The following NUP62CL variants were observed in gnomAD, a reference collection of about 807,000 sequenced individuals.
The protein encoded by NUP62CL is nucleoporin-62 C-terminal-like protein.
Under a neutral mutation model 15.3 loss-of-function variants are expected in NUP62CL, and 13 were observed. That is an observed-to-expected ratio of 0.85 (90% confidence interval 0.55 to 1.35). NUP62CL has a LOEUF of 1.35. Ranked by LOEUF, NUP62CL falls within the 40% of genes most tolerant of loss-of-function variation. The probability of loss-of-function intolerance (pLI) is 0.00; values close to 1 mark genes in which losing one functional copy is unlikely to be tolerated. For missense variants in NUP62CL, 123 were observed against 130.6 expected, an observed-to-expected ratio of 0.94 and a Z score of 0.28; for synonymous variants, 54 against 49.2, an observed-to-expected ratio of 1.10 and a Z score of -0.41.
chrX:107,185,017 G>A (rs1239183725), intron 2 of NUP62CL, among the ~76,000 whole-genome samples: 2 of 110,261 alleles, frequency 1.8e-5, no homozygotes, highest in Admixed American at 9.6e-5. Context: ...AGGAAATCAA[G>A]GCATTGAGAG....
chrX:107,190,311 C>T (rs1284316996), intron 2 of NUP62CL, among the ~76,000 whole-genome samples: 3 of 111,938 alleles, frequency 2.7e-5, no homozygotes, highest in Non-Finnish European at 5.6e-5. Flanking sequence ...TATTGTTCCT[C>T]CTGATAAATT....
intron 4 of NUP62CL, among the ~76,000 whole-genome samples, 173 bp from the exon 5 acceptor site, chrX:107,154,419 C>A (rs925318210): frequency 9.0e-6 from 1 of 111,165 alleles, no homozygotes; most frequent in Non-Finnish European, 1.9e-5. Flanking sequence ...AAAAAACAAC[C>A]CCTCAAAGTC....
chrX:107,197,724 G>A (rs1927388057), intron 1 of NUP62CL, among the ~76,000 whole-genome samples: 1 of 110,155 alleles, frequency 9.1e-6, no homozygotes, highest in African/African-American at 3.3e-5. Context: ...CTACCTGGCA[G>A]TCCAATCTAA....
intron 1 of NUP62CL, among the ~76,000 whole-genome samples, chrX:107,200,428 G>A (rs147995231): frequency 0.01 from 1,135 of 109,848 alleles, 7 homozygotes; most frequent in Non-Finnish European, 0.016. Flanking sequence ...GACCAGCCTT[G>A]AGCAACATGG....
intron 7 of NUP62CL, among the ~76,000 whole-genome samples, chrX:107,152,100 AT>A (rs1926042392): frequency 1.2e-4 from 6 of 49,097 alleles, no homozygotes; most frequent in Non-Finnish European, 1.8e-4. Flanking sequence ...ATATATTCAG[AT>A]ATATATATAT....
chrX:107,130,686 A>G (rs1249162555), intron 8 of NUP62CL, among the ~76,000 whole-genome samples: 3 of 111,690 alleles, frequency 2.7e-5, no homozygotes, highest in Non-Finnish European at 5.6e-5. Flanking sequence ...ACTCTGGCAG[A>G]GATGAATCAA....
chrX:107,126,809 G>A (rs1368689047), intron 8 of NUP62CL, among the ~76,000 whole-genome samples: 1 of 112,328 alleles, frequency 8.9e-6, no homozygotes, highest in Non-Finnish European at 1.9e-5. Context: ...CGAGGCAAGA[G>A]GATCACCTGA....
At chrX:107,193,689 CA>C (rs35585744) in intron 1 of NUP62CL, among the ~76,000 whole-genome samples, 90 of 96,489 alleles carry the variant, frequency 9.3e-4, no homozygotes, top group East Asian at 2.2e-3. Flanking sequence ...CACATATAGT[CA>C]AAAAAAAAAA....
At chrX:107,186,295 G>C (rs1235232572) in intron 2 of NUP62CL, among the ~76,000 whole-genome samples, 1 of 111,242 alleles carries the variant, frequency 9.0e-6, no homozygotes, top group Non-Finnish European at 1.9e-5. Context: ...AATTTATTGG[G>C]TATATTTAAT....
chrX:107,161,342 T>C (rs1364498005), intron 4 of NUP62CL, among the ~76,000 whole-genome samples: 1 of 100,326 alleles, frequency 1.0e-5, no homozygotes. Flanking sequence ...CGTATGTTTA[T>C]TGCGGCATTA....
chrX:107,128,025 A>G (rs1169761388), intron 8 of NUP62CL, among the ~76,000 whole-genome samples: 7 of 112,067 alleles, frequency 6.2e-5, no homozygotes, highest in Admixed American at 1.9e-4. Flanking sequence ...GGTCCCCCCA[A>G]TGAATTTCTG....
chrX:107,144,191 C>T (rs931368915), intron 8 of NUP62CL, among the ~76,000 whole-genome samples: 2 of 111,859 alleles, frequency 1.8e-5, no homozygotes, highest in Non-Finnish European at 3.8e-5. Context: ...ATACCTAGAA[C>T]TTATATCCTA....
intron 1 of NUP62CL, among the ~76,000 whole-genome samples, chrX:107,199,708 A>G (rs1169069332): frequency 2.7e-5 from 3 of 112,078 alleles, no homozygotes; most frequent in Non-Finnish European, 3.8e-5. Context: ...TTCACATATG[A>G]TTAGTCATGT....
chrX:107,167,007 A>G (rs1332507444), intron 4 of NUP62CL, among the ~76,000 whole-genome samples: 2 of 111,897 alleles, frequency 1.8e-5, no homozygotes, highest in East Asian at 5.5e-4. Context: ...CAATATCAAT[A>G]TCTTGGTTGT....
Position 107,192,188 on chromosome X carries a change from T to C in NUP62CL, c.-48+841A>G, listed in dbSNP as rs779513899. 2.7e-5 allele frequency among the ~76,000 whole-genome samples: 3 copies of C among 111,862 alleles called. No individual in the cohort carries two copies. The South Asian group carries it at 1.1e-3, about 42-fold the overall frequency. On this transcript the variant is annotated intron_variant, in intron 2 of 8. Transcript: ENST00000372466. ...TTACAATGATCGATAGAAAAAGATC[T>C]CTCTAAAGAGTCACTTATTCAGCAA...
intron 4 of NUP62CL, among the ~76,000 whole-genome samples, chrX:107,164,698 T>C (rs781759782): frequency 8.9e-6 from 1 of 112,467 alleles, no homozygotes; most frequent in South Asian, 3.7e-4. Flanking sequence ...ATATAAAAAA[T>C]GGGCCAACTC....
rs149174525 is a variant in NUP62CL at position 107,137,718 on chromosome X, G to T, written c.*42+10025C>A. On this transcript the variant is annotated intron_variant, in intron 8 of 8. Transcript: ENST00000372466. Reference sequence around the variant, plus strand: ...TGAAAATTACAAAATGCTCATAAAAGAAATCAAAGAACACCTAGATAAATT... The same window carrying T: ...TGAAAATTACAAAATGCTCATAAAATAAATCAAAGAACACCTAGATAAATT... Among the ~76,000 whole-genome samples, 740 of 111,899 alleles carry T rather than the reference G, an allele frequency of 6.6e-3. 6 individuals are homozygous for T. The highest frequency in any genetic ancestry group is 0.023 in the African/African-American group (698 of 30,898).
intron 4 of NUP62CL, among the ~76,000 whole-genome samples, chrX:107,155,830 A>G (rs989273070): frequency 3.6e-5 from 4 of 112,615 alleles, no homozygotes; most frequent in African/African-American, 9.7e-5. Context: ...CGTGAGCGAC[A>G]CAGAAGACGG....
chrX:107,131,796 G>C, intron 8 of NUP62CL: 3 of 1,130,247 alleles, frequency 2.7e-6, no homozygotes, highest in Non-Finnish European at 3.7e-6. Flanking sequence ...GGCCCATTCT[G>C]CAAGTGGACA....
Sources: gnomAD v4.1 joint callset for allele counts (sites outside exome capture counted in the v4.1 genomes callset) on GRCh38, gnomAD v4.1.1 for gene constraint, MANE v1.5 for transcripts, NCBI Gene and HGNC (gene_info 2026-07-23, HGNC 2026-07-21) for gene names.